PLCG2: variants seen among roughly 807,000 people sequenced by gnomAD.
PLCG2 encodes the protein 1-phosphatidylinositol 4,5-bisphosphate phosphodiesterase gamma-2.
Under a neutral mutation model 175.6 loss-of-function variants are expected in PLCG2, and 69 were observed. The observed-to-expected ratio is 0.39, with a 90% CI of 0.32 to 0.48. PLCG2 has a LOEUF of 0.48. PLCG2 is among the 20% of genes least tolerant of loss of function. PLCG2 has a pLI of 0.91. For synonymous variants in PLCG2, 827 were observed against 624.0 expected (o/e 1.33, Z -4.85); for missense variants, 1,798 against 1,650.9 (o/e 1.09, Z -1.54).
At chr16:81,751,394 G>A (rs1266196097) in intron 1 of PLCG2, among the ~76,000 whole-genome samples, 1 of 152,196 alleles carries the variant, frequency 6.6e-6, no homozygotes, top group Non-Finnish European at 1.5e-5. Context: ...AGTGTCACAT[G>A]TTCTCACTTA....
chr16:81,837,823 T>C (rs943444157), intron 2 of PLCG2, among the ~76,000 whole-genome samples: 2 of 151,860 alleles, frequency 1.3e-5, no homozygotes, highest in Non-Finnish European at 2.9e-5. Context: ...TTATCCCCAA[T>C]GGTAATATCT....
intron 2 of PLCG2, among the ~76,000 whole-genome samples, chr16:81,819,114 C>T (rs965426374): frequency 2.0e-5 from 3 of 152,054 alleles, no homozygotes; most frequent in Admixed American, 1.3e-4. Flanking sequence ...AGTTCAGATC[C>T]ACATTCTGGT....
intron 2 of PLCG2, among the ~76,000 whole-genome samples, chr16:81,760,759 ATAATAAT>A (rs1567695619): frequency 7.4e-6 from 1 of 135,534 alleles, no homozygotes; most frequent in African/African-American, 2.7e-5. Flanking sequence ...AAAAAAAAAA[ATAATAAT>A]AATAATAATA....
At chr16:81,772,434 A>T (rs1910301854) in intron 2 of PLCG2, among the ~76,000 whole-genome samples, 1 of 151,978 alleles carries the variant, frequency 6.6e-6, no homozygotes, top group Non-Finnish European at 1.5e-5. Flanking sequence ...TTAAGTCACC[A>T]AGTTCATGGT....
At chr16:81,817,793 C>A (rs1400336951) in intron 2 of PLCG2, among the ~76,000 whole-genome samples, 1 of 152,208 alleles carries the variant, frequency 6.6e-6, no homozygotes, top group African/African-American at 2.4e-5. Context: ...GGTTGTGATT[C>A]TTTCACTTAA....
chr16:81,938,571 T>G (rs1237729817), intron 28 of PLCG2: 9 of 551,534 alleles, frequency 1.6e-5, no homozygotes, highest in Non-Finnish European at 2.9e-5. Flanking sequence ...ACCTGTTGAG[T>G]CAGGTGGCAT....
In PLCG2 at chr16:81,858,254, C is replaced by T; in HGVS notation, c.338-9C>T. On this transcript the variant is annotated splice_polypyrimidine_tract_variant and intron_variant, in intron 3 of 32. Transcript: ENST00000564138. ...AACACAGCATTTCTGTTCCCTTTCTCCACTCCAGCTGACTCTAAAGAGGAT... is the reference window on the plus strand; with the variant it reads ...AACACAGCATTTCTGTTCCCTTTCTTCACTCCAGCTGACTCTAAAGAGGAT... 1.3e-6 allele frequency: 2 copies of T among 1,593,726 alleles called. No individual in the cohort carries two copies. The highest frequency in any genetic ancestry group is 1.1e-5 in the South Asian group (1 of 90,648).
At chr16:81,888,544 A>G (rs1269301151) in intron 9 of PLCG2, among the ~76,000 whole-genome samples, 1 of 152,254 alleles carries the variant, frequency 6.6e-6, no homozygotes, top group Non-Finnish European at 1.5e-5. Context: ...ATAACCTAAT[A>G]AGATTTTATA....
At chr16:81,874,371 A>G (rs1015242292) in intron 7 of PLCG2, among the ~76,000 whole-genome samples, 2 of 152,214 alleles carry the variant, frequency 1.3e-5, no homozygotes, top group Non-Finnish European at 1.5e-5. Context: ...GTTTGAGGGT[A>G]TAACTCTCCA....
At chr16:81,780,622 G>T (rs960451385) in intron 1 of PLCG2, among the ~76,000 whole-genome samples, 1 of 152,192 alleles carries the variant, frequency 6.6e-6, no homozygotes, top group African/African-American at 2.4e-5. Context: ...CCCCACCAGC[G>T]ACTGGAGTAT....
At chr16:81,899,242 T>C (rs1020065071) in intron 13 of PLCG2, among the ~76,000 whole-genome samples, 11 of 150,722 alleles carry the variant, frequency 7.3e-5, no homozygotes, top group African/African-American at 2.7e-4. Flanking sequence ...ATAAATGACT[T>C]TTCTCCTGCC....
At chr16:81,880,881 C>A (rs776465745) in intron 7 of PLCG2, 29 bp from the exon 8 acceptor site, 3 of 1,608,714 alleles carry the variant, frequency 1.9e-6, no homozygotes, top group Non-Finnish European at 2.6e-6. Context: ...GTCTAAGGTT[C>A]TTTTTTTTGT....
chr16:81,867,951 A>G (rs1421014124), intron 5 of PLCG2, among the ~76,000 whole-genome samples: 1 of 152,216 alleles, frequency 6.6e-6, no homozygotes, highest in African/African-American at 2.4e-5. Flanking sequence ...CGCCCGCCTC[A>G]GCCTCCCAAA....
At position 81,928,628 on chromosome 16, in the gene PLCG2, C is replaced by T. The variant is rs374905431; in HGVS notation, c.2581+4C>T. The T allele has an allele frequency of 1.8e-5, 28 of 1,584,532 alleles. No individual in the cohort carries two copies. The African/African-American group carries it at 2.4e-4, about 14-fold the overall frequency. ...GACCTCAATACCTATAACGTCGGTA[C>T]GTGCACACATCATCTTAGCCTGGAT... On this transcript the variant is annotated splice_donor_region_variant and intron_variant, in intron 24 of 32. Coordinates refer to ENST00000564138, the MANE Select transcript of PLCG2 (RefSeq NM_002661.5).
intron 1 of PLCG2, among the ~76,000 whole-genome samples, chr16:81,747,162 T>C (rs1424920833): frequency 1.3e-5 from 2 of 152,226 alleles, no homozygotes; most frequent in Admixed American, 1.3e-4. Flanking sequence ...AAGGCATATA[T>C]GTGCAGCTTC....
intron 1 of PLCG2, among the ~76,000 whole-genome samples, chr16:81,742,493 G>A (rs1368759297): frequency 6.6e-6 from 1 of 152,158 alleles, no homozygotes; most frequent in Non-Finnish European, 1.5e-5. Flanking sequence ...CAGGGTGAAG[G>A]AGGGTTTAGA....
intron 5 of PLCG2, among the ~76,000 whole-genome samples, chr16:81,864,842 G>T (rs1907150993): frequency 6.6e-6 from 1 of 152,090 alleles, no homozygotes. Context: ...GCTGAGCAGG[G>T]AGGACACTGT....
chr16:81,826,429 G>C (rs1369555352), intron 2 of PLCG2, among the ~76,000 whole-genome samples: 1 of 152,220 alleles, frequency 6.6e-6, no homozygotes, highest in Non-Finnish European at 1.5e-5. Flanking sequence ...GCACTTACCA[G>C]TGTGACCTTG....
chr16:81,854,648 T>A, intron 3 of PLCG2, 61 bp downstream of exon 3: 5 of 1,490,186 alleles, frequency 3.4e-6, no homozygotes, highest in Non-Finnish European at 4.7e-6. Context: ...CTGAAGAAGT[T>A]CGCTAATAGC....
Sources: gnomAD v4.1 joint callset for allele counts (sites outside exome capture counted in the v4.1 genomes callset) on GRCh38, gnomAD v4.1.1 for gene constraint, MANE v1.5 for transcripts, NCBI Gene and HGNC (gene_info 2026-07-23, HGNC 2026-07-21) for gene names.